Variants in PLEKHG7 observed in about 807,000 individuals in gnomAD.
The protein encoded by PLEKHG7 is pleckstrin homology domain-containing family G member 7.
Under a neutral mutation model 85.2 loss-of-function variants are expected in PLEKHG7, and 77 were observed. That is an observed-to-expected ratio of 0.90 (90% CI 0.75 to 1.09). PLEKHG7 has a LOEUF of 1.09. Ranked by LOEUF, PLEKHG7 falls within the 50% of genes least tolerant of loss-of-function variation. The pLI, the probability that PLEKHG7 is intolerant of heterozygous loss-of-function variation, is 0.00. For missense variants in PLEKHG7, 777 were observed against 804.3 expected (o/e 0.97, Z 0.41); for synonymous variants, 301 against 302.4 (o/e 1.00, Z 0.05).
intron 3 of PLEKHG7, chr12:92,708,679 A>G (rs1871308963): frequency 6.6e-6 from 1 of 152,190 alleles, no homozygotes; most frequent in Admixed American, 6.5e-5. Context: ...CCATGGGTCC[A>G]TGGGATCAAT....
Position 92,761,630 on chromosome 12 carries a change from GAAAGAAAGA to G in PLEKHG7, c.1637-119_1637-111del, listed in dbSNP as rs1172710310. 2.1e-3 allele frequency: 279 copies of G among 135,248 alleles called. 1 individual carries two copies. Among genetic ancestry groups the G allele is most frequent in the African/African-American group, 0.02 (192 of 9,368 alleles). 8.4% of individuals were successfully genotyped at this position (135,248 alleles called of 1,614,324 possible). On this transcript the variant is annotated intron_variant, in intron 13 of 16. Coordinates refer to ENST00000344636, the MANE Select transcript of PLEKHG7 (RefSeq NM_001377329.1). ...GAAAAAGAAAGAAAGAAAGAAGAAAGAAAGAAAGAAAGAAAGAAAGAAAGAAAGAAAGAA... is the reference window on the plus strand; with the variant it reads ...GAAAAAGAAAGAAAGAAAGAAGAAAGAAGAAAGAAAGAAAGAAAGAAAGAA...
intron 10 of PLEKHG7, among the ~76,000 whole-genome samples, chr12:92,752,038 A>T (rs577797059): frequency 6.6e-6 from 1 of 151,820 alleles, no homozygotes; most frequent in Non-Finnish European, 1.5e-5. Flanking sequence ...AAAAAAAAAA[A>T]ACAGCTGATA....
Position 92,756,393 on chromosome 12 carries a change from T to C in PLEKHG7, c.1636+2T>C, listed in dbSNP as rs757212906. The C allele has an allele frequency of 1.9e-6, 3 of 1,602,548 alleles. No individual in the cohort carries two copies. Among genetic ancestry groups the C allele is most frequent in the Non-Finnish European group, 2.6e-6 (3 of 1,169,736 alleles). Reference sequence around the variant, plus strand: ...ATGAAGGAAAATTAACTCTTGCAGGTAAATAACTGCTTCCTTTAAAAAACC... The same window carrying C: ...ATGAAGGAAAATTAACTCTTGCAGGCAAATAACTGCTTCCTTTAAAAAACC... On this transcript the variant is annotated splice_donor_variant, in intron 13 of 16. Transcript: ENST00000344636. LOFTEE classifies it high-confidence loss of function.
chr12:92,727,174 C>G (rs1592677145), intron 3 of PLEKHG7, among the ~76,000 whole-genome samples: 2 of 152,174 alleles, frequency 1.3e-5, no homozygotes. Flanking sequence ...AGAGTGGCAG[C>G]AGGCAGCTCG....
intron 13 of PLEKHG7, among the ~76,000 whole-genome samples, chr12:92,758,320 C>T (rs752387237): frequency 1.3e-5 from 2 of 152,174 alleles, no homozygotes; most frequent in Non-Finnish European, 2.9e-5. Context: ...AAAGGCAAAA[C>T]CAGGAGGATT....
At position 92,707,999 on chromosome 12, in the gene PLEKHG7, A is replaced by T. The variant is rs150163104; in HGVS notation, c.530+327A>T. 6.5e-3 allele frequency: 2,412 copies of T among 371,974 alleles called. 16 individuals carry two copies. The highest frequency in any genetic ancestry group is 9.0e-3 in the Non-Finnish European group (1,839 of 205,396). 23.0% of individuals were successfully genotyped at this position (371,974 alleles called of 1,614,324 possible). ...GGTAGAGAAAATAGAAAGGCCAGAG[A>T]TATGCAACAGCTTTTCAAAGAAAAA... is the stretch of plus-strand genomic sequence containing the variant. On this transcript the variant is annotated intron_variant, in intron 3 of 16. Coordinates refer to ENST00000344636, the MANE Select transcript of PLEKHG7 (RefSeq NM_001377329.1).
At chr12:92,763,541 A>G (rs548453719) in intron 14 of PLEKHG7, among the ~76,000 whole-genome samples, 2 of 152,272 alleles carry the variant, frequency 1.3e-5, no homozygotes, top group South Asian at 4.1e-4. Flanking sequence ...GCTGCTGGAC[A>G]TGGTAGCTCA....
chr12:92,729,142 TTCATTC>T, intron 4 of PLEKHG7, 22 bp downstream of exon 4: 1 of 1,231,516 alleles, frequency 8.1e-7, no homozygotes, highest in East Asian at 3.2e-5. Flanking sequence ...TCAGTATACT[TTCATTC>T]CATGCCCACT....
Position 92,768,202 on chromosome 12 carries a change from G to A in PLEKHG7, c.1871-781G>A, listed in dbSNP as rs188658487. The stretch of plus-strand genomic sequence containing the variant: ...AGCCCGGGCGACAGTGAGAGACTTC[G>A]TCTCAAGAAAAAAAAAAAAAGAGAG... On this transcript the variant is annotated intron_variant, in intron 15 of 16. Transcript: ENST00000344636. Among the ~76,000 whole-genome samples the A allele has an allele frequency of 3.0e-3, 451 of 150,132 alleles. 3 individuals are homozygous for A. The highest frequency in any genetic ancestry group is 0.01 in the African/African-American group (417 of 40,762).
chr12:92,721,455 C>T (rs1041371801), intron 3 of PLEKHG7: 34 of 1,230,878 alleles, frequency 2.8e-5, no homozygotes, highest in Admixed American at 4.2e-5. Context: ...AGAAGGGAGA[C>T]GAGACTATTC....
intron 15 of PLEKHG7, among the ~76,000 whole-genome samples, chr12:92,764,592 C>A (rs151305390): frequency 6.6e-6 from 1 of 151,780 alleles, no homozygotes; most frequent in South Asian, 2.1e-4. Flanking sequence ...CATAACCAGA[C>A]GTGCAAGAGT....
At chr12:92,718,785 C>G (rs531492091) in intron 3 of PLEKHG7, among the ~76,000 whole-genome samples, 1 of 152,246 alleles carries the variant, frequency 6.6e-6, no homozygotes, top group South Asian at 2.1e-4. Flanking sequence ...AAAACAGTAA[C>G]CTAGAAAGAA....
intron 13 of PLEKHG7, among the ~76,000 whole-genome samples, chr12:92,759,570 A>T (rs1476803189): frequency 6.6e-6 from 1 of 152,172 alleles, no homozygotes. Context: ...AAAATGAGGG[A>T]CTCAGGCTGG....
chr12:92,728,028 CACCACATTCCATGGTGTATATATAA>C lies in PLEKHG7; in HGVS notation c.531-963_531-939del, dbSNP rs1218010140. Among the ~76,000 whole-genome samples the C allele has an allele frequency of 4.0e-4, 48 of 119,702 alleles. 2 individuals carry two copies. Among genetic ancestry groups the C allele is most frequent in the African/African-American group, 1.5e-3 (48 of 32,286 alleles). 78.5% of individuals were successfully genotyped at this position (119,702 alleles called of 152,430 possible). A position where few individuals can be genotyped will look rare whatever the true frequency, so the allele number is the denominator to read the frequency against. On this transcript the variant is annotated intron_variant, in intron 3 of 16. Coordinates refer to ENST00000344636, the MANE Select transcript of PLEKHG7 (RefSeq NM_001377329.1). ...TGGTGTATATATAAATATATATACA[CACCACATTCCATGGTGTATATATAA>C]ATATATATACACACCACATTCCATG... is the stretch of plus-strand genomic sequence containing the variant.
chr12:92,732,632 G>A (rs1872025643), intron 5 of PLEKHG7, among the ~76,000 whole-genome samples: 1 of 152,176 alleles, frequency 6.6e-6, no homozygotes. Context: ...TTAGTGTCGT[G>A]TATATTGGGA....
rs1018833966 is a variant in PLEKHG7, at chr12:92,729,053, C to T, written c.591C>T (p.Pro197=). 22 of 1,231,630 alleles carry T rather than the reference C, an allele frequency of 1.8e-5. No individual in the cohort carries two copies. In the South Asian group the frequency reaches 2.1e-4, roughly 12 times the overall value. The allele number at this position is 1,231,630 out of a possible 1,614,324, so 76.3% of individuals were successfully genotyped here. A position where few individuals can be genotyped will look rare whatever the true frequency, so the allele number is the denominator to read the frequency against. Residue 197 remains proline (P), a synonymous_variant, in exon 4 of 17, where the codon CCC becomes CCT. Transcript: ENST00000344636. The part of the protein sequence containing the change: ...VLNLPGLEVF[P]GDLLVSDGAA... ...ACTTACCTGGACTTGAGGTGTTCCC[C>T]GGGGACCTTCTGGTGTCAGATGGAG...
At chr12:92,710,470 A>G (rs1871346565) in intron 3 of PLEKHG7, among the ~76,000 whole-genome samples, 1 of 152,214 alleles carries the variant, frequency 6.6e-6, no homozygotes, top group African/African-American at 2.4e-5. Flanking sequence ...ATGATGGTGG[A>G]TAAGGCATTC....
At chr12:92,708,380 C>A (rs1871300737) in intron 3 of PLEKHG7, 1 of 152,336 alleles carries the variant, frequency 6.6e-6, no homozygotes, top group Admixed American at 6.5e-5. Context: ...GTTTGATATT[C>A]ATAGCAGTAA....
At chr12:92,728,901 C>A in intron 3 of PLEKHG7, 92 bp from the exon 4 acceptor site, 1 of 1,032,112 alleles carries the variant, frequency 9.7e-7, no homozygotes, top group Non-Finnish European at 1.2e-6. Flanking sequence ...ACCACGCCAA[C>A]ATCTGTTGTT....
Sources: allele counts gnomAD v4.1 joint callset (sites outside exome capture counted in the v4.1 genomes callset), GRCh38; gene constraint gnomAD v4.1.1; transcripts MANE v1.5; gene names NCBI Gene and HGNC (gene_info 2026-07-23, HGNC 2026-07-21).